Variants in SERPINB12 observed in about 807,000 individuals in gnomAD.
SERPINB12 encodes serpin B12.
A neutral mutation model predicts 41.1 loss-of-function variants in SERPINB12; 57 were observed. The observed-to-expected ratio is 1.39, with a 90% CI of 1.12 to 1.73. SERPINB12 has a LOEUF of 1.73. SERPINB12 is among the 40% of genes most tolerant of loss of function. The pLI, the probability that SERPINB12 is intolerant of heterozygous loss-of-function variation, is 0.00. For synonymous variants in SERPINB12, 180 were observed against 181.3 expected (o/e 0.99, Z 0.06); for missense variants, 536 against 501.9 (o/e 1.07, Z -0.65).
rs779296346 is a variant in SERPINB12 at position 63,558,340 on chromosome 18, G to T, written c.169-12G>T. On this transcript the variant is annotated splice_polypyrimidine_tract_variant and intron_variant, in intron 2 of 7. Transcript: ENST00000382768. ...CATATTATCTGAAAGACCCCATCCC[G>T]TTATCATGCAGGTACTACACTTCAA... 6.2e-7 allele frequency: 1 copy of T among 1,606,586 alleles called. No individual in the cohort carries two copies. The highest frequency in any genetic ancestry group is 1.3e-5 in the African/African-American group (1 of 74,298).
upstream of SERPINB12, among the ~76,000 whole-genome samples, chr18:63,542,127 T>A (rs1397120461): frequency 6.6e-6 from 1 of 152,206 alleles, no homozygotes; most frequent in Admixed American, 6.5e-5. Flanking sequence ...GACAGAGATA[T>A]GACACTTCCT....
chr18:63,552,452 A>C lies in SERPINB12; in HGVS notation c.-18-3690A>C, dbSNP rs1051843968. The stretch of plus-strand genomic sequence containing the variant: ...AAGCTTATTTTTAATAAATAAAAGC[A>C]ATGTTAAAAAGCTTTAAAGTATTTT... On this transcript the variant is annotated intron_variant, in intron 1 of 7. Transcript: ENST00000382768. 6.6e-5 allele frequency among the ~76,000 whole-genome samples: 10 copies of C among 152,242 alleles called. 1 individual carries two copies. The highest frequency in any genetic ancestry group is 6.5e-4 in the Admixed American group (10 of 15,288).
chr18:63,532,360 A>T, the SERPINB12 span, among the ~76,000 whole-genome samples: 1 of 152,194 alleles, frequency 6.6e-6, no homozygotes, highest in East Asian at 1.9e-4. Context: ...CACGTAGGTT[A>T]TAGTAAGTTT....
intron 2 of SERPINB12, 138 bp from the exon 3 acceptor site, chr18:63,558,214 A>G (rs1328827692): frequency 3.1e-6 from 3 of 968,534 alleles, no homozygotes; most frequent in Non-Finnish European, 4.4e-6. Context: ...AGAAGCACCC[A>G]CTTTCCTTTA....
chr18:63,565,418 T>C (rs1352867815), intron 6 of SERPINB12, 27 bp from the exon 7 acceptor site: 18 of 1,602,004 alleles, frequency 1.1e-5, no homozygotes, highest in Non-Finnish European at 1.4e-5. Flanking sequence ...ATAGCCGTCC[T>C]GTGACCTCCT....
At chr18:63,546,132 A>T (rs892715744) in intron 1 of SERPINB12, among the ~76,000 whole-genome samples, 2 of 152,212 alleles carry the variant, frequency 1.3e-5, no homozygotes, top group Non-Finnish European at 2.9e-5. Flanking sequence ...ATGTATTTGT[A>T]GGGTCATGGT....
the SERPINB12 span, among the ~76,000 whole-genome samples, chr18:63,527,995 A>G: frequency 1.3e-5 from 2 of 152,018 alleles, no homozygotes; most frequent in Admixed American, 1.3e-4. Flanking sequence ...TTCCCTGCAC[A>G]AGCTCACTCT....
the SERPINB12 span, among the ~76,000 whole-genome samples, chr18:63,535,762 A>AT: frequency 6.6e-6 from 1 of 152,190 alleles, no homozygotes; most frequent in South Asian, 2.1e-4. Flanking sequence ...TCCTTAGGAA[A>AT]TGAATGACAA....
the SERPINB12 span, among the ~76,000 whole-genome samples, chr18:63,532,659 G>A: frequency 1.3e-5 from 2 of 152,170 alleles, no homozygotes; most frequent in Non-Finnish European, 2.9e-5. Context: ...TGAGATTAAA[G>A]AGGTTGTCTC....
intron 1 of SERPINB12, among the ~76,000 whole-genome samples, chr18:63,554,981 C>T (rs928912425): frequency 1.3e-5 from 2 of 152,118 alleles, no homozygotes; most frequent in African/African-American, 4.8e-5. Context: ...TCTCCTGCCG[C>T]CTAATGAAGA....
chr18:63,556,727 A>G (rs1399908731), intron 2 of SERPINB12, among the ~76,000 whole-genome samples: 10 of 152,196 alleles, frequency 6.6e-5, no homozygotes, highest in Non-Finnish European at 1.5e-5. Context: ...AGTACCATAT[A>G]TGGTTCCAGT....
intron 3 of SERPINB12, 92 bp from the exon 4 acceptor site, chr18:63,559,486 T>A: frequency 7.6e-7 from 1 of 1,314,232 alleles, no homozygotes; most frequent in East Asian, 2.3e-5. Flanking sequence ...AGAAGCTCTA[T>A]CTTGCTTCTG....
chr18:63,542,604 T>A (rs919300577), intron 1 of SERPINB12, among the ~76,000 whole-genome samples, 112 bp downstream of exon 1: 1 of 152,102 alleles, frequency 6.6e-6, no homozygotes, highest in Non-Finnish European at 1.5e-5. Context: ...GATCAGAGAG[T>A]CAGGGAGGTG....
At chr18:63,564,426 G>T (rs1394506530) in intron 6 of SERPINB12, among the ~76,000 whole-genome samples, 1 of 152,192 alleles carries the variant, frequency 6.6e-6, no homozygotes, top group Non-Finnish European at 1.5e-5. Flanking sequence ...TCATGCATTA[G>T]GATTCAATCT....
chr18:63,568,459 C>G lies in SERPINB12; in HGVS notation c.*1448C>G, dbSNP rs922813403. Among the ~76,000 whole-genome samples the G allele has an allele frequency of 1.3e-5, 2 of 152,154 alleles. No individual in the cohort carries two copies. The highest frequency in any genetic ancestry group is 4.8e-5 in the African/African-American group (2 of 41,436). ...GTCAAGAAGGCCATTGGGCTCATCT[C>G]AAGCTCTAGTCTACTGAAGGCCTGA... On this transcript the variant is annotated 3_prime_UTR_variant, in exon 8 of 8. Coordinates refer to ENST00000382768, the MANE Select transcript of SERPINB12 (RefSeq NM_001307928.2).
chr18:63,540,319 C>A (rs1489218305), upstream of SERPINB12, among the ~76,000 whole-genome samples: 1 of 152,126 alleles, frequency 6.6e-6, no homozygotes, highest in East Asian at 1.9e-4. Flanking sequence ...GATGGGATCT[C>A]CCTGGAGTAC....
In SERPINB12 at chr18:63,566,968, A is replaced by G. The variant is rs1409565953; in HGVS notation, c.1235A>G (p.Lys412Arg). The change falls in exon 8 of 8, where the codon AAA (lysine) becomes AGA (arginine). Residue 412 changes from lysine to arginine, a missense_variant. Physicochemically the swap from Lys to Arg is conservative, Grantham distance 26. Transcript: ENST00000382768. ...HPFLFFIRHN[K>R]TQTILFYGRV... is the part of the protein sequence containing the mutation. ...TTTCTCTTTTTCATTAGACACAACAAAACCCAAACCATTCTCTTTTATGGC... is the reference window on the plus strand; with the variant it reads ...TTTCTCTTTTTCATTAGACACAACAGAACCCAAACCATTCTCTTTTATGGC... 6.2e-7 allele frequency: 1 copy of G among 1,610,344 alleles called. No individual in the cohort carries two copies. Among genetic ancestry groups the G allele is most frequent in the Admixed American group, 1.7e-5 (1 of 59,296 alleles).
rs377654949 is a variant in SERPINB12, at chr18:63,566,602, T to C, written c.874-5T>C. ...ATGCTAAATATTATTTCCTTCCTCT[T>C]GTAGCTTGAAAGGAAAATCACCTAT... On this transcript the variant is annotated splice_polypyrimidine_tract_variant and splice_region_variant and intron_variant, in intron 7 of 7. Transcript: ENST00000382768. 26 of 1,598,812 alleles carry C rather than the reference T, an allele frequency of 1.6e-5. No homozygotes were observed. The South Asian group carries it at 2.4e-4, about 15-fold the overall frequency.
intron 3 of SERPINB12, among the ~76,000 whole-genome samples, chr18:63,559,058 C>CATTCTTTCTTTCTTTCTT (rs1910801301): frequency 9.3e-6 from 1 of 107,402 alleles, no homozygotes; most frequent in East Asian, 2.4e-4. Flanking sequence ...TTCTTTCTTT[C>CATTCTTTCTTTCTTTCTT]TCTCCTTCTT....
Sources: allele counts gnomAD v4.1 joint callset (sites outside exome capture counted in the v4.1 genomes callset), GRCh38; gene constraint gnomAD v4.1.1; transcripts MANE v1.5; gene names NCBI Gene and HGNC (gene_info 2026-07-23, HGNC 2026-07-21).